The following FBXL7 variants were observed in gnomAD, a reference collection of about 807,000 sequenced individuals.
FBXL7 encodes F-box and leucine rich repeat protein 7.
Under a neutral mutation model 38.3 loss-of-function variants are expected in FBXL7, and 12 were observed. The observed-to-expected ratio is 0.31, with a 90% CI of 0.20 to 0.51. FBXL7 has a LOEUF of 0.51. Ranked by LOEUF, FBXL7 falls within the 20% of genes least tolerant of loss-of-function variation. The pLI, the probability that FBXL7 is intolerant of heterozygous loss-of-function variation, is 0.98. For missense variants in FBXL7, 567 were observed against 676.4 expected, an observed-to-expected ratio of 0.84 and a Z score of 1.79; for synonymous variants, 297 against 300.9, an observed-to-expected ratio of 0.99 and a Z score of 0.13.
chr5:15,520,355 C>T (rs545511319), intron 1 of FBXL7, among the ~76,000 whole-genome samples: 6 of 152,312 alleles, frequency 3.9e-5, no homozygotes, highest in East Asian at 3.9e-4. Context: ...CTGGTTCACA[C>T]GCCTCTAACA....
chr5:15,880,800 T>G (rs554576642), intron 2 of FBXL7, among the ~76,000 whole-genome samples: 146 of 149,648 alleles, frequency 9.8e-4, no homozygotes, highest in Non-Finnish European at 1.7e-3. Flanking sequence ...GTTGTAATTT[T>G]TATTCAATAG....
At chr5:15,856,393 A>G (rs1303530252) in intron 2 of FBXL7, among the ~76,000 whole-genome samples, 1 of 152,054 alleles carries the variant, frequency 6.6e-6, no homozygotes, top group Non-Finnish European at 1.5e-5. Flanking sequence ...TCTGGGGCCT[A>G]TCAGAGGGTG....
chr5:15,738,678 A>G (rs979923207), intron 2 of FBXL7, among the ~76,000 whole-genome samples: 25 of 152,364 alleles, frequency 1.6e-4, no homozygotes, highest in African/African-American at 6.0e-4. Flanking sequence ...GTGTGGTACC[A>G]TCTTAGGGAG....
rs371293320 is a variant in FBXL7 at position 15,777,720 on chromosome 5, TAAA to T, written c.128-150146_128-150144del. Among the ~76,000 whole-genome samples, 170 of 82,504 alleles carry T rather than the reference TAAA, an allele frequency of 2.1e-3. 2 individuals are homozygous for T. The highest frequency in any genetic ancestry group is 9.1e-3 in the African/African-American group (162 of 17,710). The allele number at this position is 82,504 out of a possible 152,430, so 54.1% of individuals were successfully genotyped here. On this transcript the variant is annotated intron_variant, in intron 2 of 3. Coordinates refer to ENST00000504595, the MANE Select transcript of FBXL7 (RefSeq NM_012304.5). ...TATTGTTTGCAAACCCCTATTCTGG[TAAA>T]AAAAAAAAAAAAAAAAAAAAAAAGT...
chr5:15,583,195 G>A (rs1739198254), intron 1 of FBXL7, among the ~76,000 whole-genome samples: 1 of 152,042 alleles, frequency 6.6e-6, no homozygotes, highest in Admixed American at 6.5e-5. Context: ...ATTATCACAA[G>A]AACAACATGG....
chr5:15,582,906 T>C (rs1739186806), intron 1 of FBXL7, among the ~76,000 whole-genome samples: 3 of 151,940 alleles, frequency 2.0e-5, no homozygotes, highest in African/African-American at 7.3e-5. Flanking sequence ...AGAATATTGG[T>C]GACTCACCTA....
chr5:15,913,269 A>ATG (rs1438597566), intron 2 of FBXL7, among the ~76,000 whole-genome samples: 10 of 136,502 alleles, frequency 7.3e-5, no homozygotes, highest in African/African-American at 1.7e-4. Flanking sequence ...TTTTTTATTA[A>ATG]TTTTTTTTTT....
chr5:15,826,715 G>A (rs556110748), intron 2 of FBXL7, among the ~76,000 whole-genome samples: 1 of 152,238 alleles, frequency 6.6e-6, no homozygotes, highest in Non-Finnish European at 1.5e-5. Flanking sequence ...CACCGCACCT[G>A]GCCAGCACCA....
chr5:15,672,823 G>A (rs1742524580), intron 2 of FBXL7, among the ~76,000 whole-genome samples: 2 of 152,126 alleles, frequency 1.3e-5, no homozygotes, highest in East Asian at 1.9e-4. Context: ...CCAAAGTGCT[G>A]GGATTACAGG....
intron 2 of FBXL7, among the ~76,000 whole-genome samples, chr5:15,625,576 C>T (rs1213327850): frequency 1.3e-5 from 2 of 152,106 alleles, no homozygotes; most frequent in Admixed American, 6.6e-5. Flanking sequence ...ATCCCTTGAA[C>T]CTAGGAGGCA....
At chr5:15,637,149 A>T (rs1335047990) in intron 2 of FBXL7, among the ~76,000 whole-genome samples, 1 of 152,206 alleles carries the variant, frequency 6.6e-6, no homozygotes, top group African/African-American at 2.4e-5. Context: ...AGAAAAAATA[A>T]TGATAGCAAA....
chr5:15,636,355 T>C (rs1741189097), intron 2 of FBXL7, among the ~76,000 whole-genome samples: 1 of 152,216 alleles, frequency 6.6e-6, no homozygotes, highest in Non-Finnish European at 1.5e-5. Context: ...GCTCATTTAA[T>C]ATATGGCTGC....
chr5:15,772,947 T>C (rs1362584997), intron 2 of FBXL7, among the ~76,000 whole-genome samples: 1 of 151,730 alleles, frequency 6.6e-6, no homozygotes, highest in Non-Finnish European at 1.5e-5. Flanking sequence ...CAGACTGGAG[T>C]GCAGTACTGA....
intron 1 of FBXL7, among the ~76,000 whole-genome samples, chr5:15,515,268 T>C (rs1409715197): frequency 6.6e-6 from 1 of 152,158 alleles, no homozygotes; most frequent in Non-Finnish European, 1.5e-5. Context: ...TCTTTCATCT[T>C]ATAGATGAGG....
chr5:15,815,818 A>G (rs415718), intron 2 of FBXL7, among the ~76,000 whole-genome samples: 86,237 of 151,920 alleles, frequency 0.57, 25,054 homozygotes, highest in Non-Finnish European at 0.64. Flanking sequence ...TAAGGTGATA[A>G]CCAATGGCTA....
rs78779956 is a variant in FBXL7, at chr5:15,830,849, A to G, written c.128-97041A>G. Reference sequence around the variant, plus strand: ...AGGGCAGCACCCAGTCCCAGCACTCAGGCTCAACTCCAAATCCTCTCCCTG... The same window carrying G: ...AGGGCAGCACCCAGTCCCAGCACTCGGGCTCAACTCCAAATCCTCTCCCTG... On this transcript the variant is annotated intron_variant, in intron 2 of 3. Coordinates refer to ENST00000504595, the MANE Select transcript of FBXL7 (RefSeq NM_012304.5). 1.5e-3 allele frequency among the ~76,000 whole-genome samples: 227 copies of G among 152,246 alleles called. 1 individual carries two copies. The East Asian group carries it at 0.025, about 17-fold the overall frequency.
intron 2 of FBXL7, among the ~76,000 whole-genome samples, chr5:15,803,645 C>T (rs1002123982): frequency 6.6e-6 from 1 of 151,682 alleles, no homozygotes; most frequent in African/African-American, 2.4e-5. Flanking sequence ...TTCATGCAAC[C>T]CCCGATGTAA....
chr5:15,843,015 C>T (rs558671353), intron 2 of FBXL7, among the ~76,000 whole-genome samples: 13 of 152,188 alleles, frequency 8.5e-5, no homozygotes, highest in African/African-American at 1.7e-4. Context: ...TGTACAAATA[C>T]GAGGTTGTAT....
intron 1 of FBXL7, among the ~76,000 whole-genome samples, chr5:15,504,357 G>A (rs1736586681): frequency 6.6e-6 from 1 of 152,194 alleles, no homozygotes. Flanking sequence ...TTATTACCAA[G>A]AAATCAGTAA....
Sources: gnomAD v4.1 joint callset for allele counts (sites outside exome capture counted in the v4.1 genomes callset) on GRCh38, gnomAD v4.1.1 for gene constraint, MANE v1.5 for transcripts, NCBI Gene and HGNC (gene_info 2026-07-23, HGNC 2026-07-21) for gene names.